IDUA: variants seen among roughly 807,000 people sequenced by gnomAD.
The protein encoded by IDUA is iduronidase alpha-L-.
IDUA carries 65 observed loss-of-function variants against 68.9 expected under a neutral mutation model. That is an observed-to-expected ratio of 0.94 (90% CI 0.77 to 1.16). The LOEUF is 1.16. IDUA is among the 50% of genes most tolerant of loss of function. IDUA has a pLI of 0.00. For synonymous variants in IDUA, 529 were observed against 433.6 expected (o/e 1.22, Z -2.73); for missense variants, 1,046 against 938.0 (o/e 1.12, Z -1.50).
chr4:1,003,556 G>T lies in IDUA; in HGVS notation c.1658G>T (p.Arg553Leu), dbSNP rs746698197. 20 of 1,611,940 alleles carry T rather than the reference G, an allele frequency of 1.2e-5. No homozygotes were observed. Among genetic ancestry groups the T allele is most frequent in the Non-Finnish European group, 1.6e-5 (19 of 1,179,780 alleles). ...AGCCCTTCCCTCCCCCAGGTCACGC[G>T]GCTCCGCGCCCTGCCCCTGACCCAA... ...RPEKPPGQVT[R>L]LRALPLTQGQ... is the part of the protein sequence containing the mutation. Residue 553 changes from arginine to leucine, a missense_variant, in exon 12 of 14, where the codon CGG becomes CTG. Transcript: ENST00000514224.
intron 2 of IDUA, chr4:989,884 GC>G (rs1714115336): frequency 6.4e-7 from 1 of 1,569,698 alleles, no homozygotes; most frequent in Non-Finnish European, 8.6e-7. Flanking sequence ...GAAGGCGGCA[GC>G]CACGAGGGCC....
intron 2 of IDUA, chr4:989,645 G>T: frequency 1.3e-6 from 2 of 1,593,124 alleles, no homozygotes; most frequent in Non-Finnish European, 1.7e-6. Flanking sequence ...TGGAACAGCG[G>T]TGCCAGCGCC....
intron 4 of IDUA, chr4:1,001,247 T>TGCACCCCTATCACCCAGGCC (rs3832289): frequency 3.1e-6 from 2 of 635,750 alleles, no homozygotes; most frequent in African/African-American, 3.6e-5. Context: ...CTGGGCAGGC[T>TGCACCCCTATCACCCAGGCC]GCACCCCTAT....
At chr4:988,109 G>A (rs1323479421) in intron 2 of IDUA, 160 bp downstream of exon 2, 2 of 1,436,440 alleles carry the variant, frequency 1.4e-6, no homozygotes, top group Admixed American at 2.6e-5. Flanking sequence ...TGGGGTGAGG[G>A]CTGTGTGCTG....
intron 2 of IDUA, among the ~76,000 whole-genome samples, chr4:996,462 A>G (rs1714750042): frequency 6.6e-6 from 1 of 152,176 alleles, no homozygotes; most frequent in Non-Finnish European, 1.5e-5. Flanking sequence ...GGCCACAGAA[A>G]AACCTGGAGT....
intron 2 of IDUA, among the ~76,000 whole-genome samples, chr4:998,783 A>ACCCCCCCCCCCCCCCCCCCC (rs148444493): frequency 8.3e-6 from 1 of 120,756 alleles, no homozygotes; most frequent in Non-Finnish European, 1.7e-5. Context: ...CGACCCCCCG[A>ACCCCCCCCCCCCCCCCCCCC]CCCCCCACCT....
At chr4:987,029 G>A (rs2153015098), upstream of IDUA, 2 of 1,309,226 alleles carry the variant, frequency 1.5e-6, no homozygotes, top group East Asian at 4.6e-5. Flanking sequence ...ACTCCGACCC[G>A]GAGGCGGAAC....
At chr4:988,192 A>G (rs1713899453) in intron 2 of IDUA, 11 of 1,360,822 alleles carry the variant, frequency 8.1e-6, no homozygotes, top group African/African-American at 1.5e-5. Context: ...GCTGCGCCGC[A>G]CCTGGCTCCT....
rs758190824 is a variant in IDUA, at chr4:987,809, C to T, written c.159C>T (p.Cys53=). ...TGAGCCGCCCCTTTGTTGTCCCCAG[C>T]CCCCCGCTGCCACACAGCCAGGCTG... The part of the protein sequence containing the change: ...LRRFWRSTGF[C]PPLPHSQADQ... The change falls in exon 2 of 14, where the codon TGC becomes TGT. Residue 53 remains cysteine (C), a splice_region_variant and synonymous_variant. Coordinates refer to ENST00000514224, the MANE Select transcript of IDUA (RefSeq NM_000203.5). 11 of 1,612,124 alleles carry T rather than the reference C, an allele frequency of 6.8e-6. No individual in the cohort carries two copies. The highest frequency in any genetic ancestry group is 1.7e-5 in the Admixed American group (1 of 59,984).
At chr4:988,535 G>A in intron 2 of IDUA, 1 of 1,228,416 alleles carries the variant, frequency 8.1e-7, no homozygotes, top group African/African-American at 1.6e-5. Flanking sequence ...TGTCAACCCT[G>A]AGCGTCAGGT....
Position 996,661 on chromosome 4 carries a change from G to T in IDUA, c.300-3951G>T, listed in dbSNP as rs79255463. Reference sequence around the variant, plus strand: ...CCCTTTTAGTCCCCACCTAGGCTGGGTGTCTAAAGTAGGTGAGGTCATCAC... The same window carrying T: ...CCCTTTTAGTCCCCACCTAGGCTGGTTGTCTAAAGTAGGTGAGGTCATCAC... On this transcript the variant is annotated intron_variant, in intron 2 of 13. Coordinates refer to ENST00000514224, the MANE Select transcript of IDUA (RefSeq NM_000203.5). 2.7e-3 allele frequency among the ~76,000 whole-genome samples: 415 copies of T among 152,318 alleles called. 3 individuals carry two copies. The highest frequency in any genetic ancestry group is 9.4e-3 in the African/African-American group (392 of 41,554).
intron 1 of IDUA, among the ~76,000 whole-genome samples, chr4:987,467 T>C (rs1221036173): frequency 3.9e-5 from 6 of 152,158 alleles, no homozygotes; most frequent in African/African-American, 1.4e-4. Flanking sequence ...CCCGGGATCC[T>C]GCTCTTTGAG....
chr4:989,953 G>A, intron 2 of IDUA: 3 of 1,556,138 alleles, frequency 1.9e-6, no homozygotes, highest in Non-Finnish European at 2.6e-6. Flanking sequence ...GACCTGAGGG[G>A]GCATGAAACC....
chr4:1,002,208 G>T (rs760266861), intron 7 of IDUA, 47 bp downstream of exon 7: 2 of 1,570,932 alleles, frequency 1.3e-6, no homozygotes, highest in Non-Finnish European at 1.7e-6. Context: ...CCTTCCTCCC[G>T]AGACGGGACA....
Position 1,001,986 on chromosome 4 carries a change from C to T in IDUA, c.797C>T (p.Ala266Val). The T allele has an allele frequency of 2.5e-6, 4 of 1,583,110 alleles. No homozygotes were observed. Among genetic ancestry groups the T allele is most frequent in the African/African-American group, 1.3e-5 (1 of 74,764 alleles). ...CTGAGGCGGCCCCGCCCGCAGGGTG[C>T]GCGCAGCTCCATCTCCATCCTGGAG... ...LDYISLHRKG[A>V]RSSISILEQE... The change falls in exon 7 of 14, where the codon GCG becomes GTG. Residue 266 changes from alanine (A) to valine (V), a missense_variant. Coordinates refer to ENST00000514224, the MANE Select transcript of IDUA (RefSeq NM_000203.5).
Position 1,004,239 on chromosome 4 carries a change from C to A in IDUA, c.1829-21C>A. ...GGGTGGGGGCAGGTTCCGGTTGGCACACATGTCCCCTTGTCTCCAGACACA... is the reference window on the plus strand; with the variant it reads ...GGGTGGGGGCAGGTTCCGGTTGGCAAACATGTCCCCTTGTCTCCAGACACA... On this transcript the variant is annotated intron_variant, in intron 13 of 13. Coordinates refer to ENST00000514224, the MANE Select transcript of IDUA (RefSeq NM_000203.5). The surrounding 1 kb of genome is among the most constrained non-coding windows in gnomAD (Gnocchi z 5.0). 1 of 1,609,516 alleles carries A rather than the reference C, an allele frequency of 6.2e-7. No individual in the cohort carries two copies. Among genetic ancestry groups the A allele is most frequent in the East Asian group, 2.2e-5 (1 of 44,854 alleles).
At position 1,001,007 on chromosome 4, in the gene IDUA, C is replaced by A. The variant is rs555882475; in HGVS notation, c.493+18C>A. 25 of 1,574,430 alleles carry A rather than the reference C, an allele frequency of 1.6e-5. No homozygotes were observed. In the South Asian group the frequency reaches 2.7e-4, roughly 17 times the overall value. ...ATACATCGGTGGGCGAGCGCAGGCC[C>A]TGGGGCCCTGGCCGGGGCGGGGGTA... On this transcript the variant is annotated intron_variant, in intron 4 of 13. Coordinates refer to ENST00000514224, the MANE Select transcript of IDUA (RefSeq NM_000203.5).
At chr4:988,658 G>A in intron 2 of IDUA, 1 of 1,408,016 alleles carries the variant, frequency 7.1e-7, no homozygotes, top group Non-Finnish European at 9.2e-7. Flanking sequence ...GGTCCTGCGT[G>A]TGATCAGAGG....
intron 2 of IDUA, among the ~76,000 whole-genome samples, chr4:997,944 C>T (rs1714840890): frequency 6.6e-6 from 1 of 152,236 alleles, no homozygotes; most frequent in Non-Finnish European, 1.5e-5. Context: ...CGGGCTATCG[C>T]CTTGGGGTTC....
Sources: allele counts gnomAD v4.1 joint callset (sites outside exome capture counted in the v4.1 genomes callset), GRCh38; gene constraint gnomAD v4.1.1; non-coding constraint Gnocchi (gnomAD v3.1); transcripts MANE v1.5; gene names NCBI Gene and HGNC (gene_info 2026-07-23, HGNC 2026-07-21).